ACSF3: variants seen among roughly 807,000 people sequenced by gnomAD.
ACSF3 encodes the protein acyl-CoA synthetase family member 3, also known as malonate--CoA ligase ACSF3, mitochondrial.
In ACSF3, 78 loss-of-function variants were observed where a neutral mutation model predicts 53.2. The observed-to-expected ratio is 1.47, with a 90% CI of 1.22 to 1.77. The LOEUF (loss-of-function observed/expected upper bound fraction) is 1.77. Ranked by LOEUF, ACSF3 falls within the 40% of genes most tolerant of loss-of-function variation. The pLI, the probability that ACSF3 is intolerant of heterozygous loss-of-function variation, is 0.00. For synonymous variants in ACSF3, 414 were observed against 333.1 expected (o/e 1.24, Z -2.65); for missense variants, 937 against 771.1 (o/e 1.22, Z -2.55).
chr16:89,138,890 A>G (rs1302918097), intron 8 of ACSF3, among the ~76,000 whole-genome samples: 1 of 152,238 alleles, frequency 6.6e-6, no homozygotes, highest in African/African-American at 2.4e-5. Context: ...CCAAAGTTAC[A>G]CACCTGTGGC....
intron 5 of ACSF3, among the ~76,000 whole-genome samples, chr16:89,112,467 G>C (rs978037707): frequency 6.6e-6 from 1 of 151,724 alleles, no homozygotes; most frequent in East Asian, 1.9e-4. Context: ...CACGTCGATA[G>C]CTGCCTGGAT....
intron 5 of ACSF3, among the ~76,000 whole-genome samples, chr16:89,112,641 C>T (rs146185258): frequency 5.3e-5 from 8 of 152,136 alleles, no homozygotes; most frequent in Admixed American, 2.6e-4. Context: ...TCTGTCTCTC[C>T]GTCTTCTCTT....
At chr16:89,113,447 C>T (rs985903553) in intron 5 of ACSF3, 1 of 152,424 alleles carries the variant, frequency 6.6e-6, no homozygotes. Context: ...CTGGGATACC[C>T]TGGGGCTGGG....
chr16:89,098,481 T>G, intron 1 of ACSF3, 110 bp from the exon 2 acceptor site: 1 of 364,194 alleles, frequency 2.7e-6, no homozygotes, highest in Non-Finnish European at 5.5e-6. Context: ...AATGTTGTCT[T>G]TAGCTTGTAA....
chr16:89,136,159 G>A (rs1457045331), intron 8 of ACSF3, among the ~76,000 whole-genome samples: 8 of 152,366 alleles, frequency 5.3e-5, no homozygotes, highest in East Asian at 3.9e-4. Flanking sequence ...TGGATTTTGC[G>A]AGTCGCGGGG....
At chr16:89,145,495 C>T (rs1912752978) in intron 9 of ACSF3, 94 bp downstream of exon 9, 3 of 1,467,790 alleles carry the variant, frequency 2.0e-6, no homozygotes, top group Non-Finnish European at 2.8e-6. Flanking sequence ...TCGACGCCGT[C>T]CCAGCTGCCT....
chr16:89,133,277 C>T lies in ACSF3; in HGVS notation c.1366+15C>T. The T allele has an allele frequency of 6.2e-7, 1 of 1,613,912 alleles. No homozygotes were observed. The highest frequency in any genetic ancestry group is 8.5e-7 in the Non-Finnish European group (1 of 1,179,906). On this transcript the variant is annotated intron_variant, in intron 8 of 10. Transcript: ENST00000614302. ...GTTTAAGACAGGTAGGACCCAGCCCCATGGGAGTGGAGGAGACCCCGAGGG... is the reference window on the plus strand; with the variant it reads ...GTTTAAGACAGGTAGGACCCAGCCCTATGGGAGTGGAGGAGACCCCGAGGG...
intron 4 of ACSF3, among the ~76,000 whole-genome samples, chr16:89,111,381 C>T (rs546482523): frequency 5.9e-5 from 9 of 152,372 alleles, no homozygotes; most frequent in South Asian, 4.1e-4. Context: ...CATCGGCATC[C>T]GTCGACCCCA....
At chr16:89,148,202 A>G (rs923056885) in intron 10 of ACSF3, 1 of 149,612 alleles carries the variant, frequency 6.7e-6, no homozygotes, top group African/African-American at 2.5e-5. Context: ...CCTGCAAGCA[A>G]TTCTCCTACC....
chr16:89,139,828 C>T (rs891484020), intron 8 of ACSF3, among the ~76,000 whole-genome samples: 4 of 152,162 alleles, frequency 2.6e-5, no homozygotes, highest in African/African-American at 7.2e-5. Context: ...CTCCTGACCT[C>T]GTGATCTCCC....
At position 89,154,147 on chromosome 16, in the gene ACSF3, G is replaced by T; in HGVS notation, c.1671G>T (p.Pro557=). The T allele has an allele frequency of 6.2e-7, 1 of 1,613,372 alleles. No homozygotes were observed. ...PSELVLVEEI[P]RNQMGKIDKK... The stretch of plus-strand genomic sequence containing the variant: ...AGCTGGTGCTGGTGGAGGAGATCCC[G>T]CGGAACCAGATGGGCAAGATTGACA... Residue 557 remains proline, a synonymous_variant, in exon 11 of 11, where the codon CCG becomes CCT. Coordinates refer to ENST00000614302, the MANE Select transcript of ACSF3 (RefSeq NM_001243279.3).
At chr16:89,117,525 G>A (rs1905352138) in intron 6 of ACSF3, among the ~76,000 whole-genome samples, 1 of 151,742 alleles carries the variant, frequency 6.6e-6, no homozygotes, top group Non-Finnish European at 1.5e-5. Flanking sequence ...CTACACCCAG[G>A]GAGTCAGGAG....
At chr16:89,136,460 G>A in intron 8 of ACSF3, 1 of 1,171,498 alleles carries the variant, frequency 8.5e-7, no homozygotes, top group Non-Finnish European at 1.1e-6. Context: ...ATGAGAGCCT[G>A]CAATCAGCTC....
chr16:89,100,739 C>T lies in ACSF3; in HGVS notation c.58C>T (p.Arg20Trp), dbSNP rs772907663. 1.6e-5 allele frequency: 26 copies of T among 1,605,320 alleles called. No individual in the cohort carries two copies. The highest frequency in any genetic ancestry group is 1.1e-4 in the South Asian group (10 of 91,058). Residue 20 changes from arginine to tryptophan, a missense_variant, in exon 3 of 11, where the codon CGG (arginine) becomes TGG (tryptophan). Physicochemically the swap from Arg to Trp is moderately radical, Grantham distance 101 (BLOSUM62 -3). Transcript: ENST00000614302. ...RRLGCALASC[R>W]LAPARHRGSG... ...CCTGGGCTGCGCCTTGGCGTCCTGC[C>T]GGCTGGCGCCTGCGAGACACAGAGG...
chr16:89,098,508 TC>T (rs986810630), intron 1 of ACSF3, 82 bp from the exon 2 acceptor site: 54 of 370,744 alleles, frequency 1.5e-4, no homozygotes, highest in African/African-American at 8.6e-4. Flanking sequence ...ATGCTTCCCT[TC>T]CCCCATTGAG....
intron 7 of ACSF3, among the ~76,000 whole-genome samples, chr16:89,131,630 T>C (rs1909344944): frequency 1.3e-5 from 2 of 152,242 alleles, no homozygotes; most frequent in African/African-American, 4.8e-5. Flanking sequence ...TTACTGTGAC[T>C]TGGTTGGCTT....
At chr16:89,115,449 G>A (rs1003288132) in intron 6 of ACSF3, among the ~76,000 whole-genome samples, 3 of 152,322 alleles carry the variant, frequency 2.0e-5, no homozygotes, top group African/African-American at 4.8e-5. Context: ...GCTTCCGCCC[G>A]GCTTCCGCCC....
chr16:89,098,191 A>G (rs896134807), intron 1 of ACSF3, among the ~76,000 whole-genome samples: 5 of 152,344 alleles, frequency 3.3e-5, no homozygotes, highest in African/African-American at 9.6e-5. Context: ...GGCTCTGACA[A>G]TTTTCATTGT....
In ACSF3 at chr16:89,156,111, A is replaced by C. The variant is rs1914673691; in HGVS notation, c.*1904A>C. ...GTGCCAGGCTGGTCGGCCTTCGTGC[A>C]CACAGTCCGCCAGTGCCCAGCCAGG... On this transcript the variant is annotated 3_prime_UTR_variant, in exon 11 of 11. Coordinates refer to ENST00000614302, the MANE Select transcript of ACSF3 (RefSeq NM_001243279.3). 6.6e-6 allele frequency among the ~76,000 whole-genome samples: 1 copy of C among 152,132 alleles called. No homozygotes were observed. Among genetic ancestry groups the C allele is most frequent in the South Asian group, 2.1e-4 (1 of 4,834 alleles).
Sources: allele counts gnomAD v4.1 joint callset (sites outside exome capture counted in the v4.1 genomes callset), GRCh38; gene constraint gnomAD v4.1.1; transcripts MANE v1.5; gene names NCBI Gene and HGNC (gene_info 2026-07-23, HGNC 2026-07-21).